Variants in CSMD3 observed in about 807,000 individuals in gnomAD.
CSMD3 encodes CUB and Sushi multiple domains 3, also known as CUB and sushi domain-containing protein 3.
CSMD3 carries 177 observed loss-of-function variants against 435.2 expected under a neutral mutation model. That is an observed-to-expected ratio of 0.41 (90% CI 0.36 to 0.46). CSMD3 has a LOEUF of 0.46. Ranked by LOEUF, CSMD3 falls within the 20% of genes least tolerant of loss-of-function variation. CSMD3 has a pLI of 0.34. For missense variants in CSMD3, 4,265 were observed against 4,504.6 expected (o/e 0.95, Z 1.52); for synonymous variants, 1,656 against 1,520.5 (o/e 1.09, Z -2.07).
rs1812349767 is a variant in CSMD3, at chr8:112,223,851, A to G, written c.*920T>C. ...GGACATTTTATTTGGTCGATCAAAA[A>G]TATTGTAAAATAAAGGATGGTAAGT... On this transcript the variant is annotated 3_prime_UTR_variant, in exon 71 of 71. Coordinates refer to ENST00000297405, the MANE Select transcript of CSMD3 (RefSeq NM_198123.2). The G allele has an allele frequency of 6.6e-6, 1 of 152,184 alleles. No individual in the cohort carries two copies. Among genetic ancestry groups the G allele is most frequent in the African/African-American group, 2.4e-5 (1 of 41,454 alleles). The allele number at this position is 152,184 out of a possible 1,614,324, so 9.4% of individuals were successfully genotyped here. A position where few individuals can be genotyped will look rare whatever the true frequency, so the allele number is the denominator to read the frequency against.
chr8:112,779,334 C>G (rs1000932147), intron 13 of CSMD3, among the ~76,000 whole-genome samples: 25 of 152,056 alleles, frequency 1.6e-4, no homozygotes, highest in African/African-American at 5.3e-4. Flanking sequence ...ATCTACTTTC[C>G]TGTCCCTTAA....
At chr8:112,288,056 T>C (rs901423367) in intron 57 of CSMD3, among the ~76,000 whole-genome samples, 1 of 127,738 alleles carries the variant, frequency 7.8e-6, no homozygotes, top group African/African-American at 2.8e-5. Flanking sequence ...GAGAGAAGGG[T>C]TGAAAATATA....
rs2130713405 is a variant in CSMD3 at position 112,295,824 on chromosome 8, C to T, written c.8614+9G>A. 3 of 1,613,368 alleles carry T rather than the reference C, an allele frequency of 1.9e-6. No individual in the cohort carries two copies. Among genetic ancestry groups the T allele is most frequent in the Non-Finnish European group, 2.5e-6 (3 of 1,179,620 alleles). ...GAGGTCTCTAATTGCTTTTGCCATG[C>T]TTACTTACGCACACAGGATGGGAGC... On this transcript the variant is annotated intron_variant, in intron 54 of 70. Transcript: ENST00000297405.
At chr8:112,307,809 C>T (rs1028316399) in intron 50 of CSMD3, among the ~76,000 whole-genome samples, 1 of 152,084 alleles carries the variant, frequency 6.6e-6, no homozygotes, top group South Asian at 2.1e-4. Flanking sequence ...TATTTTCTCT[C>T]ATAACAGAAG....
At chr8:113,089,599 C>A (rs563181881) in intron 5 of CSMD3, among the ~76,000 whole-genome samples, 30 of 152,010 alleles carry the variant, frequency 2.0e-4, no homozygotes, top group Admixed American at 1.6e-3. Context: ...TTTTTAAATA[C>A]CCATTATTTT....
chr8:113,024,481 A>G (rs1157909851), intron 5 of CSMD3, among the ~76,000 whole-genome samples: 3 of 152,130 alleles, frequency 2.0e-5, no homozygotes, highest in Non-Finnish European at 4.4e-5. Context: ...TGGTAGTAGT[A>G]TTGCTGGGTC....
At chr8:112,418,652 A>G (rs1355867409) in intron 32 of CSMD3, among the ~76,000 whole-genome samples, 1 of 152,202 alleles carries the variant, frequency 6.6e-6, no homozygotes, top group Non-Finnish European at 1.5e-5. Flanking sequence ...CAAAAGCATC[A>G]GAAAGCCAGA....
At chr8:113,408,581 A>G (rs749538232) in intron 1 of CSMD3, among the ~76,000 whole-genome samples, 6 of 152,168 alleles carry the variant, frequency 3.9e-5, no homozygotes, top group Non-Finnish European at 7.3e-5. Flanking sequence ...ATTGACTAAG[A>G]TATAAATAAT....
At chr8:112,396,405 A>G (rs545853878) in intron 35 of CSMD3, among the ~76,000 whole-genome samples, 36 of 152,314 alleles carry the variant, frequency 2.4e-4, no homozygotes, top group African/African-American at 8.7e-4. Context: ...CTCTCAGAAT[A>G]AAACTCCCCA....
chr8:112,737,190 A>G (rs1205456274), intron 13 of CSMD3, among the ~76,000 whole-genome samples: 2 of 151,942 alleles, frequency 1.3e-5, no homozygotes, highest in Non-Finnish European at 2.9e-5. Context: ...TTATAGATAA[A>G]AGAATACAAC....
chr8:112,392,340 T>C (rs549535589), intron 35 of CSMD3, among the ~76,000 whole-genome samples: 1 of 148,310 alleles, frequency 6.7e-6, no homozygotes, highest in African/African-American at 2.5e-5. Context: ...AAAAAAGATG[T>C]TGCAAACTTT....
intron 13 of CSMD3, among the ~76,000 whole-genome samples, chr8:112,722,665 G>A (rs1043953702): frequency 1.4e-4 from 22 of 152,046 alleles, no homozygotes; most frequent in Admixed American, 8.5e-4. Flanking sequence ...GAATCTAAGC[G>A]AAGAATATGC....
At chr8:113,298,684 AG>A (rs906202652) in intron 2 of CSMD3, among the ~76,000 whole-genome samples, 1 of 152,144 alleles carries the variant, frequency 6.6e-6, no homozygotes, top group African/African-American at 2.4e-5. Flanking sequence ...GAAGGTGGGA[AG>A]CTGATGGAGG....
At chr8:113,082,318 G>A (rs952661868) in intron 5 of CSMD3, among the ~76,000 whole-genome samples, 1 of 152,146 alleles carries the variant, frequency 6.6e-6, no homozygotes, top group African/African-American at 2.4e-5. Context: ...CAGCAAAGCT[G>A]CATCCAGTCT....
chr8:113,223,888 C>T (rs182649871), intron 3 of CSMD3, among the ~76,000 whole-genome samples: 2 of 150,688 alleles, frequency 1.3e-5, no homozygotes, highest in Admixed American at 1.3e-4. Flanking sequence ...TCGGTAATGG[C>T]AGGCAAGTAT....
intron 56 of CSMD3, among the ~76,000 whole-genome samples, chr8:112,290,583 C>T (rs1253710303): frequency 6.6e-6 from 1 of 151,228 alleles, no homozygotes; most frequent in Non-Finnish European, 1.5e-5. Flanking sequence ...GTTGTTTCTT[C>T]ATTAGTACAT....
chr8:112,416,124 A>C (rs1811883777), intron 32 of CSMD3, among the ~76,000 whole-genome samples: 1 of 152,118 alleles, frequency 6.6e-6, no homozygotes, highest in Non-Finnish European at 1.5e-5. Context: ...CCTCATCCAA[A>C]TCTCATCTTG....
intron 32 of CSMD3, among the ~76,000 whole-genome samples, chr8:112,421,003 A>G (rs1812435375): frequency 6.6e-6 from 1 of 152,086 alleles, no homozygotes; most frequent in African/African-American, 2.4e-5. Context: ...TCAAAGTTCC[A>G]TTTACTAAGG....
At chr8:112,700,549 C>T (rs1438784279) in intron 13 of CSMD3, among the ~76,000 whole-genome samples, 1 of 151,848 alleles carries the variant, frequency 6.6e-6, no homozygotes, top group African/African-American at 2.4e-5. Context: ...AGTCAAATTC[C>T]CCTCTTTTTT....
Sources: allele counts gnomAD v4.1 joint callset (sites outside exome capture counted in the v4.1 genomes callset), GRCh38; gene constraint gnomAD v4.1.1; transcripts MANE v1.5; gene names NCBI Gene and HGNC (gene_info 2026-07-23, HGNC 2026-07-21).